SCNN1G: variants seen among roughly 807,000 people sequenced by gnomAD.
The protein encoded by SCNN1G is epithelial sodium channel subunit gamma.
A neutral mutation model predicts 64.6 loss-of-function variants in SCNN1G; 27 were observed. The ratio of observed to expected loss-of-function variants is 0.42; its 90% CI spans 0.31 to 0.58. The LOEUF is 0.58. Among genes scored for constraint, SCNN1G ranks in the 20% least tolerant of loss-of-function variants. The pLI, the probability that SCNN1G is intolerant of heterozygous loss-of-function variation, is 0.18. For synonymous variants in SCNN1G, 330 were observed against 314.2 expected (o/e 1.05, Z -0.53); for missense variants, 743 against 823.4 (o/e 0.90, Z 1.19).
chr16:23,183,686 G>A lies in SCNN1G; in HGVS notation c.-45+873G>A, dbSNP rs9926460. Among the ~76,000 whole-genome samples, 1,420 of 146,226 alleles carry A rather than the reference G, an allele frequency of 9.7e-3. 18 individuals carry two copies. The highest frequency in any genetic ancestry group is 0.03 in the African/African-American group (1,224 of 41,258). On this transcript the variant is annotated intron_variant, in intron 1 of 12. Coordinates refer to ENST00000300061, the MANE Select transcript of SCNN1G (RefSeq NM_001039.4). ...TCTCTGTGAAATGGGCCAAGTAATA[G>A]CACCTCATATAACTGTAGTGAGGAT...
rs763840471 is a variant in SCNN1G at position 23,209,869 on chromosome 16, C to G, written c.1176+21C>G. On this transcript the variant is annotated intron_variant, in intron 7 of 12. Transcript: ENST00000300061. ...TCCAGGTAACAGATTGGCAGGGGCA[C>G]CCAGCCCTGGGTTTATGGCCCGGAC... 3 of 1,567,856 alleles carry G rather than the reference C, an allele frequency of 1.9e-6. No individual in the cohort carries two copies. In the East Asian group the frequency reaches 6.7e-5, roughly 35 times the overall value.
At chr16:23,183,094 C>T (rs898045112) in intron 1 of SCNN1G, among the ~76,000 whole-genome samples, 1 of 152,242 alleles carries the variant, frequency 6.6e-6, no homozygotes, top group African/African-American at 2.4e-5. Flanking sequence ...CTCTTTTCTC[C>T]GCCCAGCGCC....
intron 6 of SCNN1G, among the ~76,000 whole-genome samples, chr16:23,205,031 T>G (rs1260186656): frequency 1.3e-5 from 2 of 152,134 alleles, no homozygotes; most frequent in African/African-American, 2.4e-5. Flanking sequence ...CAGGCTGGTC[T>G]CAAACTCCTG....
intron 6 of SCNN1G, among the ~76,000 whole-genome samples, chr16:23,204,318 TATATATATATATATATAGAG>T (rs1371766751): frequency 1.9e-4 from 16 of 82,686 alleles, no homozygotes; most frequent in African/African-American, 5.5e-4. Flanking sequence ...TATATATATA[TATATATATATATATATAGAG>T]AGAGAGAGAG....
rs911531621 is a variant in SCNN1G at position 23,192,276 on chromosome 16, C to T, written c.619-76C>T. ...TGAGTATCTGGCCTGGAGTCTCAGT[C>T]ACTCATTCTTATGGTCCTTCTGAAG... On this transcript the variant is annotated intron_variant, in intron 3 of 12. Transcript: ENST00000300061. 82 of 1,185,700 alleles carry T rather than the reference C, an allele frequency of 6.9e-5. 1 individual carries two copies. Among genetic ancestry groups the T allele is most frequent in the South Asian group, 2.9e-4 (24 of 82,102 alleles). 73.4% of individuals were successfully genotyped at this position (1,185,700 alleles called of 1,614,324 possible). A position where few individuals can be genotyped will look rare whatever the true frequency, so the allele number is the denominator to read the frequency against.
At chr16:23,208,892 G>A (rs4405556) in intron 6 of SCNN1G, among the ~76,000 whole-genome samples, 28,448 of 151,728 alleles carry the variant, frequency 0.19, 2,994 homozygotes, top group Middle Eastern at 0.26. Context: ...ATGAGCCACT[G>A]AGCCTGGCCC....
chr16:23,209,199 C>A (rs1172032392), intron 6 of SCNN1G, among the ~76,000 whole-genome samples: 1 of 152,090 alleles, frequency 6.6e-6, no homozygotes, highest in Admixed American at 6.5e-5. Flanking sequence ...ACGACGATGG[C>A]TCACTGCAGC....
chr16:23,210,496 C>A (rs1264742051), intron 7 of SCNN1G, among the ~76,000 whole-genome samples: 2 of 152,190 alleles, frequency 1.3e-5, no homozygotes, highest in East Asian at 3.9e-4. Context: ...GTTTTCACTA[C>A]CCCTCCAGTA....
intron 2 of SCNN1G, 102 bp from the exon 3 acceptor site, chr16:23,189,269 G>A (rs984022088): frequency 8.4e-7 from 1 of 1,195,968 alleles, no homozygotes; most frequent in Non-Finnish European, 1.2e-6. Flanking sequence ...GGAAAGGTGG[G>A]CATGAGGCTG....
In SCNN1G at chr16:23,192,442, A is replaced by T; in HGVS notation, c.709A>T (p.Ile237Phe). 6.2e-7 allele frequency: 1 copy of T among 1,613,976 alleles called. No homozygotes were observed. The highest frequency in any genetic ancestry group is 8.5e-7 in the Non-Finnish European group (1 of 1,179,918). ...QEWYKLHYMN[I>F]MAQVPLEKKI... ...GTGGTATAAGCTACACTACATGAAC[A>T]TCATGGCACAGGTGCCTCTGGAGAA... Residue 237 changes from isoleucine (I) to phenylalanine (F), a missense_variant, in exon 4 of 13, where the codon ATC becomes TTC. Coordinates refer to ENST00000300061, the MANE Select transcript of SCNN1G (RefSeq NM_001039.4).
Position 23,215,224 on chromosome 16 carries a change from G to A in SCNN1G, c.1705G>A (p.Ala569Thr), listed in dbSNP as rs1960140900. ...CATTGCCCGCCGCCAGTGGCAGAAA[G>A]CCAAGGAGTGGTGGGCCTGGAAACA... is the stretch of plus-strand genomic sequence containing the variant. ...SIIARRQWQKAKEWWAWKQAP... is the reference protein window; with the variant it reads ...SIIARRQWQKTKEWWAWKQAP... Residue 569 changes from alanine to threonine, a missense_variant, in exon 13 of 13, where the codon GCC becomes ACC. Physicochemically the swap from Ala to Thr is moderately conservative, Grantham distance 58. Coordinates refer to ENST00000300061, the MANE Select transcript of SCNN1G (RefSeq NM_001039.4). The A allele has an allele frequency of 1.2e-6, 2 of 1,614,064 alleles. No homozygotes were observed. Among genetic ancestry groups the A allele is most frequent in the Non-Finnish European group, 1.7e-6 (2 of 1,180,046 alleles).
At chr16:23,213,203 A>C in intron 11 of SCNN1G, 40 bp downstream of exon 11, 3 of 1,390,442 alleles carry the variant, frequency 2.2e-6, no homozygotes, top group South Asian at 1.2e-5. Flanking sequence ...TCTTCCCACC[A>C]CAGCCCCCAG....
At chr16:23,192,585 G>T (rs1157968818) in intron 4 of SCNN1G, 43 bp downstream of exon 4, 6 of 1,522,484 alleles carry the variant, frequency 3.9e-6, no homozygotes, top group Non-Finnish European at 5.4e-6. Context: ...AGGACTGGCA[G>T]CTCTGAGTAC....
Position 23,215,294 on chromosome 16 carries a change from A to T in SCNN1G, c.1775A>T (p.Asp592Val). 1.2e-6 allele frequency: 2 copies of T among 1,614,170 alleles called. No homozygotes were observed. Among genetic ancestry groups the T allele is most frequent in the Non-Finnish European group, 1.7e-6 (2 of 1,180,012 alleles). The change falls in exon 13 of 13, where the codon GAC (aspartate) becomes GTC (valine). Residue 592 changes from aspartate to valine, a missense_variant. Physicochemically the swap from Asp to Val is radical, Grantham distance 152 (BLOSUM62 -3). Coordinates refer to ENST00000300061, the MANE Select transcript of SCNN1G (RefSeq NM_001039.4). Reference sequence around the variant, plus strand: ...GCTCCCCGTAGCCCACAGGGCCAGGACAATCCAGCCCTGGATATAGACGAT... The same window carrying T: ...GCTCCCCGTAGCCCACAGGGCCAGGTCAATCCAGCCCTGGATATAGACGAT... ...PEAPRSPQGQDNPALDIDDDL... is the reference protein window; with the variant it reads ...PEAPRSPQGQVNPALDIDDDL...
At chr16:23,186,667 A>C in intron 2 of SCNN1G, 79 bp downstream of exon 2, 1 of 1,256,808 alleles carries the variant, frequency 8.0e-7, no homozygotes, top group Non-Finnish European at 1.1e-6. Flanking sequence ...AAAGTGACAC[A>C]CTGGCAGCCT....
chr16:23,214,492 G>A (rs1960128628), intron 11 of SCNN1G, among the ~76,000 whole-genome samples: 1 of 152,208 alleles, frequency 6.6e-6, no homozygotes, highest in Non-Finnish European at 1.5e-5. Flanking sequence ...TGGAAGTTGG[G>A]GAGCAGTTCT....
At position 23,186,328 on chromosome 16, in the gene SCNN1G, C is replaced by A. The variant is rs113174697; in HGVS notation, c.57C>A (p.Gly19=). 1.2e-6 allele frequency: 2 copies of A among 1,614,136 alleles called. No homozygotes were observed. The highest frequency in any genetic ancestry group is 1.7e-6 in the Non-Finnish European group (2 of 1,180,056). ...TCAAGAAGAATCTGCCCGTGACGGGCCCTCAGGCGCCGACCATTAAAGAGC... is the reference window on the plus strand; with the variant it reads ...TCAAGAAGAATCTGCCCGTGACGGGACCTCAGGCGCCGACCATTAAAGAGC... ...AKIKKNLPVT[G]PQAPTIKELM... The change falls in exon 2 of 13, where the codon GGC becomes GGA. Residue 19 remains glycine, a synonymous_variant. Coordinates refer to ENST00000300061, the MANE Select transcript of SCNN1G (RefSeq NM_001039.4).
Position 23,214,765 on chromosome 16 carries a change from T to A in SCNN1G, c.1547T>A (p.Ile516Asn), listed in dbSNP as rs1567269954. 1.2e-6 allele frequency: 2 copies of A among 1,614,044 alleles called. No individual in the cohort carries two copies. The highest frequency in any genetic ancestry group is 1.7e-6 in the Non-Finnish European group (2 of 1,179,930). Residue 516 changes from isoleucine to asparagine, a missense_variant, in exon 12 of 13, where the codon ATC becomes AAC. Ile to Asn is a moderately radical substitution (Grantham distance 149, BLOSUM62 -3). Transcript: ENST00000300061. ...IFYKDLNQRS[I>N]MESPANSIEM... ...TACAAAGACCTGAACCAGAGATCCA[T>A]CATGGAGAGCCCAGCCAACAGTGTG...
intron 6 of SCNN1G, among the ~76,000 whole-genome samples, chr16:23,199,663 C>CTTTTTTTTTTTTTTTTT (rs67132706): frequency 1.7e-5 from 1 of 59,642 alleles, no homozygotes; most frequent in Non-Finnish European, 3.0e-5. Flanking sequence ...CTTTTCTTTT[C>CTTTTTTTTTTTTTTTTT]TTTTTTTTTT....
Sources: gnomAD v4.1 joint callset for allele counts (sites outside exome capture counted in the v4.1 genomes callset) on GRCh38, gnomAD v4.1.1 for gene constraint, MANE v1.5 for transcripts, NCBI Gene and HGNC (gene_info 2026-07-23, HGNC 2026-07-21) for gene names.